The following SLC26A5 variants were observed in gnomAD, a reference collection of about 807,000 sequenced individuals.
SLC26A5 encodes prestin.
In SLC26A5, 51 loss-of-function variants were observed where a neutral mutation model predicts 81.0. That is an observed-to-expected ratio of 0.63 (90% CI 0.50 to 0.80). SLC26A5 has a LOEUF of 0.80. Ranked by LOEUF, SLC26A5 falls within the 30% of genes least tolerant of loss-of-function variation. The pLI, the probability that SLC26A5 is intolerant of heterozygous loss-of-function variation, is 0.00. For synonymous variants in SLC26A5, 325 were observed against 332.8 expected, an observed-to-expected ratio of 0.98 and a Z score of 0.25; for missense variants, 771 against 905.8, an observed-to-expected ratio of 0.85 and a Z score of 1.91.
chr7:103,355,003 A>G (rs181931494), intron 19 of SLC26A5: 11 of 1,166,048 alleles, frequency 9.4e-6, no homozygotes, highest in Non-Finnish European at 1.4e-5. Context: ...TGTGAATAAT[A>G]TCAAGAGTTT....
At chr7:103,393,473 C>T (rs1022223522) in intron 9 of SLC26A5, among the ~76,000 whole-genome samples, 1 of 151,962 alleles carries the variant, frequency 6.6e-6, no homozygotes, top group African/African-American at 2.4e-5. Context: ...CTAAGGGCTA[C>T]CTTAGAGGAG....
chr7:103,440,903 T>C (rs1333631424), intron 2 of SLC26A5, among the ~76,000 whole-genome samples: 2 of 152,198 alleles, frequency 1.3e-5, no homozygotes, highest in Non-Finnish European at 2.9e-5. Context: ...GGCCCTGGGA[T>C]TGGCCAATGC....
Position 103,392,945 on chromosome 7 carries a change from G to C in SLC26A5, c.1093C>G (p.His365Asp). The C allele has an allele frequency of 6.2e-7, 1 of 1,614,046 alleles. No individual in the cohort carries two copies. The highest frequency in any genetic ancestry group is 1.1e-5 in the South Asian group (1 of 91,078). ...ISMAKTLANK[H>D]GYQVDGNQEL... ...TGATTGCCGTCAACCTGGTAGCCAT[G>C]TTTATTTGCTAAGGTCTTGGCCATG... Residue 365 changes from histidine (H) to aspartate (D), a missense_variant, in exon 10 of 20, where the codon CAT (histidine) becomes GAT (aspartate). Coordinates refer to ENST00000306312, the MANE Select transcript of SLC26A5 (RefSeq NM_198999.3).
At chr7:103,381,206 T>C (rs1359587685) in intron 14 of SLC26A5, among the ~76,000 whole-genome samples, 1 of 150,174 alleles carries the variant, frequency 6.7e-6, no homozygotes, top group Non-Finnish European at 1.5e-5. Flanking sequence ...ATACACCTCA[T>C]ACCACACATA....
intron 14 of SLC26A5, among the ~76,000 whole-genome samples, chr7:103,381,268 C>A (rs1317271223): frequency 2.0e-5 from 3 of 151,264 alleles, no homozygotes; most frequent in Non-Finnish European, 4.4e-5. Context: ...GTATACACAC[C>A]CACATACCAC....
intron 2 of SLC26A5, among the ~76,000 whole-genome samples, chr7:103,433,047 G>C (rs1442913395): frequency 6.6e-6 from 1 of 152,256 alleles, no homozygotes; most frequent in East Asian, 1.9e-4. Context: ...AGACTTCCTT[G>C]TTTCCCTAAG....
intron 14 of SLC26A5, among the ~76,000 whole-genome samples, chr7:103,383,524 C>T (rs978951946): frequency 3.3e-5 from 5 of 152,188 alleles, no homozygotes; most frequent in African/African-American, 1.2e-4. Context: ...TCCCTAATGA[C>T]ACCAAGAGCA....
At chr7:103,402,518 A>G (rs199607500) in intron 8 of SLC26A5, among the ~76,000 whole-genome samples, 2 of 150,292 alleles carry the variant, frequency 1.3e-5, no homozygotes, top group African/African-American at 4.9e-5. Flanking sequence ...TCCTGCCTCA[A>G]CCTCCCAAGT....
At chr7:103,429,261 T>A (rs1023884323) in intron 2 of SLC26A5, among the ~76,000 whole-genome samples, 1 of 152,212 alleles carries the variant, frequency 6.6e-6, no homozygotes, top group Non-Finnish European at 1.5e-5. Flanking sequence ...AGTAAGGGCA[T>A]TCATCCATCT....
At chr7:103,388,712 T>G in intron 14 of SLC26A5, 1 of 374,338 alleles carries the variant, frequency 2.7e-6, no homozygotes, top group Non-Finnish European at 5.2e-6. Context: ...TAAACCAGCA[T>G]AGCACTAGAC....
At chr7:103,390,310 A>C in intron 12 of SLC26A5, 119 bp downstream of exon 12, 2 of 961,876 alleles carry the variant, frequency 2.1e-6, no homozygotes, top group South Asian at 2.7e-5. Context: ...GCCCTTTCTC[A>C]TACCATCCTG....
exon 20 of SLC26A5, chr7:103,352,853 C>T (rs773300968): frequency 2.6e-6 from 2 of 780,740 alleles, no homozygotes; most frequent in African/African-American, 3.4e-5. Flanking sequence ...CCACCTGGCC[C>T]CAAAGCCTGA....
intron 2 of SLC26A5, chr7:103,433,364 C>T (rs1826215747): frequency 6.6e-6 from 1 of 151,842 alleles, no homozygotes; most frequent in South Asian, 2.1e-4. Context: ...ATGTTTTATC[C>T]TTCATTTTTG....
intron 19 of SLC26A5, among the ~76,000 whole-genome samples, chr7:103,356,629 T>G (rs1317124777): frequency 6.6e-6 from 1 of 152,242 alleles, no homozygotes; most frequent in African/African-American, 2.4e-5. Flanking sequence ...CTACTCATGT[T>G]TTGTTCTTGG....
intron 4 of SLC26A5, among the ~76,000 whole-genome samples, chr7:103,418,564 G>C (rs1825100512): frequency 6.6e-6 from 1 of 152,128 alleles, no homozygotes; most frequent in Non-Finnish European, 1.5e-5. Flanking sequence ...GCACCAAAAT[G>C]ATTGTGGGAA....
At chr7:103,374,705 C>CTTT (rs1021508704) in intron 19 of SLC26A5, 113 bp from the exon 20 acceptor site, 8 of 814,482 alleles carry the variant, frequency 9.8e-6, no homozygotes, top group African/African-American at 1.9e-5. Flanking sequence ...TTTTTTGTTT[C>CTTT]TTTTTTTTTT....
At chr7:103,395,478 T>C (rs573524778) in intron 9 of SLC26A5, among the ~76,000 whole-genome samples, 52 of 141,720 alleles carry the variant, frequency 3.7e-4, no homozygotes, top group East Asian at 6.1e-4. Flanking sequence ...TATATACATA[T>C]ATATATACGC....
At chr7:103,401,707 T>A (rs1231815466) in intron 8 of SLC26A5, among the ~76,000 whole-genome samples, 1 of 152,208 alleles carries the variant, frequency 6.6e-6, no homozygotes, top group African/African-American at 2.4e-5. Context: ...TTGTCATAAA[T>A]AGCTCTTATT....
At chr7:103,436,865 C>T (rs753681810) in intron 2 of SLC26A5, among the ~76,000 whole-genome samples, 1 of 152,156 alleles carries the variant, frequency 6.6e-6, no homozygotes, top group Non-Finnish European at 1.5e-5. Flanking sequence ...GGGGAAAGCT[C>T]CATGATGCTG....
Sources: gnomAD v4.1 joint callset for allele counts (sites outside exome capture counted in the v4.1 genomes callset) on GRCh38, gnomAD v4.1.1 for gene constraint, MANE v1.5 for transcripts, NCBI Gene and HGNC (gene_info 2026-07-23, HGNC 2026-07-21) for gene names.